Variants in METTL2A observed in about 807,000 individuals in gnomAD.
METTL2A encodes methyltransferase 2A, tRNA N3-cytidine, also known as tRNA N(3)-cytidine methyltransferase METTL2A.
A neutral mutation model predicts 49.4 loss-of-function variants in METTL2A; 45 were observed. That is an observed-to-expected ratio of 0.91 (90% CI 0.72 to 1.17). The LOEUF (loss-of-function observed/expected upper bound fraction) is 1.17, where lower values mean the gene tolerates loss of function less well. Among genes scored for constraint, METTL2A ranks in the 50% most tolerant of loss-of-function variants. The pLI is 0.00. For missense variants in METTL2A, 361 were observed against 462.2 expected (o/e 0.78, Z 2.01); for synonymous variants, 118 against 167.5 (o/e 0.70, Z 2.28).
intron 1 of METTL2A, 22 bp from the exon 2 acceptor site, chr17:62,424,197 G>A (rs1025947232): frequency 1.9e-6 from 3 of 1,614,044 alleles, no homozygotes; most frequent in African/African-American, 2.7e-5. Flanking sequence ...AGGCCCCTAA[G>A]CTGCCCGTTT....
At chr17:62,425,181 G>A (rs2070615092) in intron 2 of METTL2A, among the ~76,000 whole-genome samples, 1 of 151,602 alleles carries the variant, frequency 6.6e-6, no homozygotes, top group Admixed American at 6.6e-5. Context: ...TTCTTAGGGA[G>A]TCTTGGTTGA....
Position 62,433,493 on chromosome 17 carries a change from A to G in METTL2A, c.609-1739A>G, listed in dbSNP as rs144968902. On this transcript the variant is annotated intron_variant, in intron 4 of 8. Coordinates refer to ENST00000311506, the MANE Select transcript of METTL2A (RefSeq NM_181725.4). The stretch of plus-strand genomic sequence containing the variant: ...GGTGGCTCATGCCTGTAATCTGAAC[A>G]CTTTGGGAAGCCAAAGTGGGCAGAT... 5.9e-3 allele frequency among the ~76,000 whole-genome samples: 889 copies of G among 151,934 alleles called. 3 individuals are homozygous for G. The highest frequency in any genetic ancestry group is 0.021 in the African/African-American group (854 of 41,396).
chr17:62,445,432 G>A (rs2070762416), intron 7 of METTL2A, among the ~76,000 whole-genome samples: 2 of 152,036 alleles, frequency 1.3e-5, no homozygotes, highest in African/African-American at 4.8e-5. Context: ...AAACTGAAGA[G>A]GCTTGTATAA....
chr17:62,449,557 A>C lies in METTL2A; in HGVS notation c.*828A>C, dbSNP rs2070792309. 9.0e-6 allele frequency: 3 copies of C among 333,612 alleles called. No homozygotes were observed. The highest frequency in any genetic ancestry group is 1.7e-5 in the Non-Finnish European group (3 of 173,300). The allele number at this position is 333,612 out of a possible 1,614,324, so 20.7% of individuals were successfully genotyped here. A position where few individuals can be genotyped will look rare whatever the true frequency, so the allele number is the denominator to read the frequency against. ...GAAACCCCGTCTCTACTAAAGATAAAAAAATTAGCTGAGTGTGTTGGTGGG... is the reference window on the plus strand; with the variant it reads ...GAAACCCCGTCTCTACTAAAGATAACAAAATTAGCTGAGTGTGTTGGTGGG... On this transcript the variant is annotated 3_prime_UTR_variant, in exon 9 of 9. Transcript: ENST00000311506.
chr17:62,453,331 G>A lies in METTL2A; in HGVS notation c.*4602G>A, dbSNP rs1215011651. Among the ~76,000 whole-genome samples, 1 of 152,024 alleles carries A rather than the reference G, an allele frequency of 6.6e-6. No homozygotes were observed. The highest frequency in any genetic ancestry group is 1.5e-5 in the Non-Finnish European group (1 of 68,004). ...AGAGGACTGTTACATTTGTTGGGAG[G>A]GATTAAAGTATATGACCTCAGTGCC... On this transcript the variant is annotated 3_prime_UTR_variant, in exon 9 of 9. Coordinates refer to ENST00000311506, the MANE Select transcript of METTL2A (RefSeq NM_181725.4).
intron 2 of METTL2A, 84 bp downstream of exon 2, chr17:62,424,394 C>T (rs2070608831): frequency 1.3e-6 from 2 of 1,572,802 alleles, no homozygotes; most frequent in Non-Finnish European, 1.7e-6. Context: ...GAACCGCGGC[C>T]GCCCAGATCC....
At chr17:62,427,551 C>T (rs2070636501) in intron 3 of METTL2A, among the ~76,000 whole-genome samples, 1 of 152,130 alleles carries the variant, frequency 6.6e-6, no homozygotes, top group African/African-American at 2.4e-5. Context: ...CAATCCTTGC[C>T]CTTTTTTCTA....
At chr17:62,427,520 C>G (rs1301821187) in intron 3 of METTL2A, among the ~76,000 whole-genome samples, 18 of 152,144 alleles carry the variant, frequency 1.2e-4, no homozygotes, top group Non-Finnish European at 1.5e-5. Flanking sequence ...GGACCATTTG[C>G]TAGAACTCAA....
chr17:62,424,997 C>T (rs1010406938), intron 2 of METTL2A, among the ~76,000 whole-genome samples: 2 of 149,168 alleles, frequency 1.3e-5, no homozygotes, highest in Non-Finnish European at 3.0e-5. Flanking sequence ...AACATTCACC[C>T]TGCATATTTT....
intron 5 of METTL2A, among the ~76,000 whole-genome samples, chr17:62,437,838 G>T (rs2070711171): frequency 1.3e-5 from 2 of 152,086 alleles, no homozygotes; most frequent in Non-Finnish European, 2.9e-5. Context: ...TGGGTTTGGT[G>T]GCACGCACCT....
Position 62,426,403 on chromosome 17 carries a change from C to A in METTL2A, c.307C>A (p.Leu103Met). The A allele has an allele frequency of 1.9e-6, 3 of 1,614,050 alleles. No homozygotes were observed. The highest frequency in any genetic ancestry group is 2.5e-6 in the Non-Finnish European group (3 of 1,179,982). The change falls in exon 3 of 9, where the codon CTG (leucine) becomes ATG (methionine). Residue 103 changes from leucine (L) to methionine (M), a missense_variant. Physicochemically the swap from Leu to Met is conservative, Grantham distance 15 (BLOSUM62 2). Around this residue, in one of 3 missense-constraint regions of METTL2A, gnomAD observed 150 missense variants for 170.1 expected, o/e 0.88. Coordinates refer to ENST00000311506, the MANE Select transcript of METTL2A (RefSeq NM_181725.4). ...TTGGCTTTTTACCGAATTCCCTGAG[C>A]TGGCACCTAGCCAAAATCAAAATCA... ...RHWLFTEFPELAPSQNQNHLK... is the reference protein window; with the variant it reads ...RHWLFTEFPEMAPSQNQNHLK...
Position 62,451,279 on chromosome 17 carries a change from T to C in METTL2A, c.*2550T>C, listed in dbSNP as rs2070804286. On this transcript the variant is annotated 3_prime_UTR_variant, in exon 9 of 9. Coordinates refer to ENST00000311506, the MANE Select transcript of METTL2A (RefSeq NM_181725.4). The stretch of plus-strand genomic sequence containing the variant: ...CTCCTGCCTCAGCCTCCCAAGTAGC[T>C]GGAATTACAGGCATGTGCCACCATT... 6.6e-6 allele frequency among the ~76,000 whole-genome samples: 1 copy of C among 151,734 alleles called. No homozygotes were observed. Among genetic ancestry groups the C allele is most frequent in the Non-Finnish European group, 1.5e-5 (1 of 67,924 alleles).
At chr17:62,445,349 A>C (rs1269574984) in intron 7 of METTL2A, among the ~76,000 whole-genome samples, 1 of 152,064 alleles carries the variant, frequency 6.6e-6, no homozygotes, top group East Asian at 1.9e-4. Flanking sequence ...CTGCCATCAG[A>C]ATAGAAACTC....
At chr17:62,443,744 C>T (rs1283236334) in intron 6 of METTL2A, among the ~76,000 whole-genome samples, 2 of 152,128 alleles carry the variant, frequency 1.3e-5, no homozygotes, top group Non-Finnish European at 1.5e-5. Context: ...TGCCTGCCAC[C>T]ATCCCTGGCT....
chr17:62,431,356 T>TC (rs1383394217), intron 4 of METTL2A, among the ~76,000 whole-genome samples: 1 of 149,864 alleles, frequency 6.7e-6, no homozygotes, highest in African/African-American at 2.5e-5. Flanking sequence ...ATTGCCTGGA[T>TC]CCTTTTTTTT....
chr17:62,424,102 G>C, intron 1 of METTL2A, 90 bp downstream of exon 1: 1 of 1,580,250 alleles, frequency 6.3e-7, no homozygotes, highest in Non-Finnish European at 8.6e-7. Flanking sequence ...CGCCGGCCAC[G>C]AGTCAAGCTG....
chr17:62,436,071 A>C (rs577576014), intron 5 of METTL2A, among the ~76,000 whole-genome samples: 2 of 152,142 alleles, frequency 1.3e-5, no homozygotes, highest in Non-Finnish European at 2.9e-5. Flanking sequence ...CTCTACTAAA[A>C]ATACAAAAAA....
chr17:62,449,229 G>A lies in METTL2A; in HGVS notation c.*500G>A, dbSNP rs1294596224. 7.1e-6 allele frequency: 2 copies of A among 280,972 alleles called. No individual in the cohort carries two copies. The highest frequency in any genetic ancestry group is 1.4e-4 in the East Asian group (1 of 7,094). The allele number at this position is 280,972 out of a possible 1,614,324, so 17.4% of individuals were successfully genotyped here. A position where few individuals can be genotyped will look rare whatever the true frequency, so the allele number is the denominator to read the frequency against. ...TGACTGTAATTGCGTTAAATCTTTT[G>A]AGAATGTAAATGCCGGGCTAGGCAA... On this transcript the variant is annotated 3_prime_UTR_variant, in exon 9 of 9. Coordinates refer to ENST00000311506, the MANE Select transcript of METTL2A (RefSeq NM_181725.4).
intron 6 of METTL2A, 22 bp downstream of exon 6, chr17:62,440,778 G>A (rs748968745): frequency 6.3e-7 from 1 of 1,598,454 alleles, no homozygotes; most frequent in East Asian, 2.2e-5. Flanking sequence ...TCCCTTGGCT[G>A]GTAGTGTCAC....
Sources: gnomAD v4.1 joint callset for allele counts (sites outside exome capture counted in the v4.1 genomes callset) on GRCh38, gnomAD v4.1.1 for gene constraint, gnomAD v4.1.1 regional missense constraint, MANE v1.5 for transcripts, NCBI Gene and HGNC (gene_info 2026-07-23, HGNC 2026-07-21) for gene names.